Variants in PLCB1 observed in about 807,000 individuals in gnomAD.
The protein encoded by PLCB1 is 1-phosphatidylinositol 4,5-bisphosphate phosphodiesterase beta-1.
In PLCB1, 46 loss-of-function variants were observed where a neutral mutation model predicts 161.8. The ratio of observed to expected loss-of-function variants is 0.28; its 90% CI spans 0.22 to 0.36. The LOEUF is 0.36. Ranked by LOEUF, PLCB1 falls within the 10% of genes least tolerant of loss-of-function variation. PLCB1 has a pLI of 1.00. For missense variants in PLCB1, 1,016 were observed against 1,472.5 expected, an observed-to-expected ratio of 0.69 and a Z score of 5.07; for synonymous variants, 517 against 503.7, an observed-to-expected ratio of 1.03 and a Z score of -0.35.
intron 2 of PLCB1, among the ~76,000 whole-genome samples, chr20:8,368,408 A>AT (rs1986787464): frequency 6.6e-6 from 1 of 151,300 alleles, no homozygotes; most frequent in Non-Finnish European, 1.5e-5. Flanking sequence ...TGTGCCTGTA[A>AT]TTTCAGCTAC....
At chr20:8,443,021 C>T (rs1980637820) in intron 3 of PLCB1, among the ~76,000 whole-genome samples, 1 of 150,846 alleles carries the variant, frequency 6.6e-6, no homozygotes, top group African/African-American at 2.4e-5. Context: ...GTCCTGTTGC[C>T]CAGGCTGGAG....
intron 3 of PLCB1, among the ~76,000 whole-genome samples, chr20:8,444,000 T>A (rs893281976): frequency 2.0e-5 from 3 of 152,166 alleles, no homozygotes; most frequent in African/African-American, 7.2e-5. Context: ...ACTTAATTTA[T>A]CTGATTTGAA....
chr20:8,830,888 C>T (rs1985948099), intron 31 of PLCB1, among the ~76,000 whole-genome samples: 1 of 152,104 alleles, frequency 6.6e-6, no homozygotes, highest in South Asian at 2.1e-4. Context: ...CAGGTGGAGG[C>T]CTCCACTGCC....
At chr20:8,221,567 T>A (rs1048633307) in intron 2 of PLCB1, among the ~76,000 whole-genome samples, 2 of 152,140 alleles carry the variant, frequency 1.3e-5, no homozygotes, top group Admixed American at 1.3e-4. Context: ...TCTTTGCCAG[T>A]GTGTTTAATT....
chr20:8,654,644 G>A (rs1989404128), intron 7 of PLCB1, among the ~76,000 whole-genome samples: 1 of 152,112 alleles, frequency 6.6e-6, no homozygotes, highest in Admixed American at 6.6e-5. Flanking sequence ...GTAGTGTCAT[G>A]TCTAGCTGAT....
At chr20:8,419,155 GTTTAC>G (rs149686864) in intron 3 of PLCB1, among the ~76,000 whole-genome samples, 4,155 of 152,206 alleles carry the variant, frequency 0.027, 180 homozygotes, top group African/African-American at 0.093. Context: ...TAAAAGCTTT[GTTTAC>G]TTAATTTGTT....
At chr20:8,725,630 AT>A (rs749037510) in intron 16 of PLCB1, among the ~76,000 whole-genome samples, 16 of 152,168 alleles carry the variant, frequency 1.1e-4, no homozygotes, top group African/African-American at 3.1e-4. Flanking sequence ...ATATATAATG[AT>A]TTCTCAACAT....
chr20:8,808,258 G>A (rs1984636801), intron 31 of PLCB1, among the ~76,000 whole-genome samples: 2 of 152,102 alleles, frequency 1.3e-5, no homozygotes, highest in African/African-American at 4.8e-5. Context: ...TAAGATCAAG[G>A]TGCCCGCGAG....
At chr20:8,366,791 T>C (rs538164231) in intron 2 of PLCB1, among the ~76,000 whole-genome samples, 91 of 149,632 alleles carry the variant, frequency 6.1e-4, no homozygotes, top group African/African-American at 2.2e-3. Context: ...ATGATTCCGG[T>C]AGGTTCTTTT....
intron 26 of PLCB1, among the ~76,000 whole-genome samples, chr20:8,773,965 C>G (rs1361605597): frequency 6.6e-6 from 1 of 152,146 alleles, no homozygotes; most frequent in Non-Finnish European, 1.5e-5. Flanking sequence ...CAGAGCAAGA[C>G]TCTGTCTCAA....
chr20:8,709,492 C>A (rs766418796), intron 12 of PLCB1, among the ~76,000 whole-genome samples: 44 of 152,140 alleles, frequency 2.9e-4, no homozygotes, highest in Non-Finnish European at 5.4e-4. Flanking sequence ...CCAGATTTTT[C>A]AACTAAAAGC....
At chr20:8,436,435 GAA>G (rs987763897) in intron 3 of PLCB1, among the ~76,000 whole-genome samples, 1 of 120,242 alleles carries the variant, frequency 8.3e-6, no homozygotes. Context: ...TTGTGTTCAA[GAA>G]AAAAAAAACA....
chr20:8,559,670 A>G (rs954453595), intron 3 of PLCB1, among the ~76,000 whole-genome samples: 4 of 152,040 alleles, frequency 2.6e-5, no homozygotes, highest in Non-Finnish European at 5.9e-5. Flanking sequence ...AGCTATACTA[A>G]TATCAGTCAA....
chr20:8,487,452 C>T (rs1982776641), intron 3 of PLCB1, among the ~76,000 whole-genome samples: 1 of 152,196 alleles, frequency 6.6e-6, no homozygotes, highest in Admixed American at 6.5e-5. Flanking sequence ...TACTGGGATT[C>T]ATCCAGGTGA....
chr20:8,204,627 A>G (rs1027359710), intron 2 of PLCB1, among the ~76,000 whole-genome samples: 6 of 151,898 alleles, frequency 4.0e-5, no homozygotes, highest in African/African-American at 7.3e-5. Flanking sequence ...GCTTTCCACC[A>G]TGATTGAAAG....
intron 12 of PLCB1, among the ~76,000 whole-genome samples, chr20:8,714,080 A>G (rs1053451345): frequency 2.0e-5 from 3 of 152,136 alleles, no homozygotes; most frequent in African/African-American, 7.2e-5. Context: ...GAAAAATGTC[A>G]TCTACTTTGG....
intron 31 of PLCB1, among the ~76,000 whole-genome samples, chr20:8,873,824 AC>A (rs1295995275): frequency 6.6e-6 from 1 of 151,342 alleles, no homozygotes; most frequent in African/African-American, 2.4e-5. Flanking sequence ...AGAAACACTT[AC>A]GTTTTATTCA....
intron 4 of PLCB1, among the ~76,000 whole-genome samples, chr20:8,632,848 T>C (rs1988641479): frequency 6.6e-6 from 1 of 152,138 alleles, no homozygotes; most frequent in Non-Finnish European, 1.5e-5. Context: ...CTGATTTTGC[T>C]GTAGGATGGC....
chr20:8,404,110 A>T (rs1305750773), intron 3 of PLCB1, among the ~76,000 whole-genome samples: 1 of 152,186 alleles, frequency 6.6e-6, no homozygotes, highest in Non-Finnish European at 1.5e-5. Context: ...AGCAATTAAG[A>T]TGAATTTTTC....
Sources: allele counts gnomAD v4.1 joint callset (sites outside exome capture counted in the v4.1 genomes callset), GRCh38; gene constraint gnomAD v4.1.1; transcripts MANE v1.5; gene names NCBI Gene and HGNC (gene_info 2026-07-23, HGNC 2026-07-21).